The following FERRY3 variants were observed in gnomAD, a reference collection of about 807,000 sequenced individuals.
FERRY3 encodes the protein FERRY endosomal RAB5 effector complex subunit 3.
At chr12:4,498,436 T>A in the FERRY3 span, among the ~76,000 whole-genome samples, 1 of 152,052 alleles carries the variant, frequency 6.6e-6, no homozygotes, top group Non-Finnish European at 1.5e-5. Flanking sequence ...GGGAAAAAAA[T>A]GTTTGTCCAT....
At chr12:4,491,812 C>G in the FERRY3 span, among the ~76,000 whole-genome samples, 7 of 152,314 alleles carry the variant, frequency 4.6e-5, no homozygotes, top group Admixed American at 4.6e-4. Flanking sequence ...TCCCCCTTCA[C>G]AAACACCAGA....
At chr12:4,518,264 A>T in the FERRY3 span, 1 of 1,613,096 alleles carries the variant, frequency 6.2e-7, no homozygotes, top group South Asian at 1.1e-5. Flanking sequence ...TCCTGGGGGT[A>T]GGCAATAGTC....
At chr12:4,508,005 A>G in the FERRY3 span, among the ~76,000 whole-genome samples, 4 of 152,230 alleles carry the variant, frequency 2.6e-5, no homozygotes, top group African/African-American at 9.6e-5. Context: ...GTGAATTTTG[A>G]GAGTGTTTTA....
At chr12:4,516,263 A>G in the FERRY3 span, among the ~76,000 whole-genome samples, 1 of 152,222 alleles carries the variant, frequency 6.6e-6, no homozygotes, top group Non-Finnish European at 1.5e-5. Flanking sequence ...AAGTATAACT[A>G]TAGTACTGAA....
At chr12:4,496,865 G>A in the FERRY3 span, among the ~76,000 whole-genome samples, 1 of 152,154 alleles carries the variant, frequency 6.6e-6, no homozygotes, top group Non-Finnish European at 1.5e-5. Flanking sequence ...AAACACTTGT[G>A]TTAATAAGTT....
the FERRY3 span, among the ~76,000 whole-genome samples, chr12:4,526,796 C>T: frequency 1.3e-5 from 2 of 149,998 alleles, no homozygotes; most frequent in Non-Finnish European, 1.5e-5. Context: ...GAGCTGAGAT[C>T]GTGTCACTGT....
At chr12:4,490,403 CAGAA>C in the FERRY3 span, 1 of 699,902 alleles carries the variant, frequency 1.4e-6, no homozygotes, top group Non-Finnish European at 2.3e-6. Flanking sequence ...CCTTAAAAAA[CAGAA>C]AGCGATTAGC....
chr12:4,508,146 G>A, the FERRY3 span, among the ~76,000 whole-genome samples: 2 of 152,228 alleles, frequency 1.3e-5, no homozygotes, highest in South Asian at 2.1e-4. Flanking sequence ...TTCTAGCTAC[G>A]GGAGAAAGGA....
the FERRY3 span, among the ~76,000 whole-genome samples, chr12:4,533,373 A>T: frequency 6.6e-6 from 1 of 152,206 alleles, no homozygotes; most frequent in Non-Finnish European, 1.5e-5. Flanking sequence ...TTCAGTTAGT[A>T]TACTAATTCT....
At chr12:4,517,008 C>A in the FERRY3 span, 1 of 1,289,796 alleles carries the variant, frequency 7.8e-7, no homozygotes. Flanking sequence ...TACTGATCCA[C>A]ATACTATTAC....
At chr12:4,507,750 C>A in the FERRY3 span, among the ~76,000 whole-genome samples, 4 of 152,044 alleles carry the variant, frequency 2.6e-5, no homozygotes, top group African/African-American at 4.8e-5. Flanking sequence ...TGGACTGATA[C>A]GAAATGACCT....
chr12:4,514,262 T>C, the FERRY3 span, among the ~76,000 whole-genome samples: 1 of 150,098 alleles, frequency 6.7e-6, no homozygotes, highest in Non-Finnish European at 1.5e-5. Flanking sequence ...CTGGAGAGGA[T>C]GTGGAGAAAT....
chr12:4,514,141 A>G, the FERRY3 span, among the ~76,000 whole-genome samples: 7 of 151,822 alleles, frequency 4.6e-5, no homozygotes, highest in African/African-American at 1.5e-4. Context: ...AACACATGAA[A>G]AAATGCTCAT....
the FERRY3 span, among the ~76,000 whole-genome samples, chr12:4,504,239 ATC>A: frequency 3.3e-5 from 5 of 152,356 alleles, no homozygotes; most frequent in South Asian, 1.0e-3. Flanking sequence ...GGTTAATGTG[ATC>A]TACATGTCAA....
At chr12:4,490,582 C>T in the FERRY3 span, 1 of 1,609,964 alleles carries the variant, frequency 6.2e-7, no homozygotes, top group South Asian at 1.1e-5. Context: ...CCATTTCCAT[C>T]ATGAAACCTA....
At chr12:4,526,034 A>G in the FERRY3 span, among the ~76,000 whole-genome samples, 1 of 152,234 alleles carries the variant, frequency 6.6e-6, no homozygotes, top group Non-Finnish European at 1.5e-5. Flanking sequence ...AGACAATTAG[A>G]TCCTGAGTCA....
At chr12:4,493,836 T>G in the FERRY3 span, among the ~76,000 whole-genome samples, 1 of 152,178 alleles carries the variant, frequency 6.6e-6, no homozygotes, top group Non-Finnish European at 1.5e-5. Flanking sequence ...CTCACACCTG[T>G]AATCCCAGCA....
the FERRY3 span, among the ~76,000 whole-genome samples, chr12:4,492,437 T>A: frequency 3.3e-5 from 5 of 152,162 alleles, no homozygotes. Flanking sequence ...AACTACTCAG[T>A]CTTTCATCTT....
the FERRY3 span, chr12:4,517,973 TC>T: frequency 7.7e-7 from 1 of 1,299,560 alleles, no homozygotes; most frequent in Non-Finnish European, 1.1e-6. Flanking sequence ...AAATTTTTTT[TC>T]ATTTTCCCTG....
Sources: allele counts gnomAD v4.1 joint callset (sites outside exome capture counted in the v4.1 genomes callset), GRCh38; gene constraint gnomAD v4.1.1; transcripts MANE v1.5; gene names NCBI Gene and HGNC (gene_info 2026-07-23, HGNC 2026-07-21).